Variants in ADGRL3 observed in about 807,000 individuals in gnomAD.
ADGRL3 encodes the protein calcium-independent alpha-latrotoxin receptor 3.
A neutral mutation model predicts 153.5 loss-of-function variants in ADGRL3; 62 were observed. The ratio of observed to expected loss-of-function variants is 0.40; its 90% CI spans 0.33 to 0.50. The LOEUF (loss-of-function observed/expected upper bound fraction) is 0.50, where lower values mean the gene tolerates loss of function less well. ADGRL3 is among the 20% of genes least tolerant of loss of function. The probability of loss-of-function intolerance (pLI) is 0.47; values close to 1 mark genes in which losing one functional copy is unlikely to be tolerated. For missense variants in ADGRL3, 1,641 were observed against 1,859.4 expected, an observed-to-expected ratio of 0.88 and a Z score of 2.16; for synonymous variants, 710 against 672.5, an observed-to-expected ratio of 1.06 and a Z score of -0.86.
chr4:61,886,802 C>T (rs1486257727), intron 9 of ADGRL3, among the ~76,000 whole-genome samples: 1 of 151,726 alleles, frequency 6.6e-6, no homozygotes, highest in African/African-American at 2.4e-5. Flanking sequence ...CCATCATGCC[C>T]GGCTAATTTT....
chr4:61,282,288 A>T (rs2093750470), intron 1 of ADGRL3, among the ~76,000 whole-genome samples: 1 of 152,044 alleles, frequency 6.6e-6, no homozygotes, highest in Non-Finnish European at 1.5e-5. Context: ...GCTAAAGAAG[A>T]TTGAAAAAGG....
chr4:61,529,674 T>G (rs1222134536), intron 4 of ADGRL3, among the ~76,000 whole-genome samples: 2 of 152,156 alleles, frequency 1.3e-5, no homozygotes, highest in East Asian at 3.8e-4. Flanking sequence ...GCTTTTTACT[T>G]CTTTAAGTCT....
intron 9 of ADGRL3, among the ~76,000 whole-genome samples, chr4:61,835,144 A>C (rs193183010): frequency 1.3e-5 from 2 of 152,298 alleles, no homozygotes; most frequent in East Asian, 3.9e-4. Flanking sequence ...AACTCGAAGC[A>C]AAACAGAACA....
intron 6 of ADGRL3, among the ~76,000 whole-genome samples, chr4:61,723,685 C>A (rs2096278529): frequency 6.6e-6 from 1 of 151,924 alleles, no homozygotes; most frequent in Admixed American, 6.6e-5. Context: ...TGACACCTGG[C>A]GTATGTGGTG....
chr4:62,013,705 T>C (rs975905921), intron 21 of ADGRL3, among the ~76,000 whole-genome samples: 1 of 151,726 alleles, frequency 6.6e-6, no homozygotes, highest in Non-Finnish European at 1.5e-5. Context: ...CTGGCCAATG[T>C]GGTGAAACCC....
chr4:61,556,984 A>G (rs2098770235), intron 4 of ADGRL3, among the ~76,000 whole-genome samples: 1 of 152,194 alleles, frequency 6.6e-6, no homozygotes, highest in Non-Finnish European at 1.5e-5. Flanking sequence ...GTCTGGGCCA[A>G]TTAAAGCATG....
At chr4:61,910,344 T>C (rs1413567523) in intron 12 of ADGRL3, among the ~76,000 whole-genome samples, 1 of 151,928 alleles carries the variant, frequency 6.6e-6, no homozygotes, top group Non-Finnish European at 1.5e-5. Context: ...AAAGCTTAAA[T>C]ATATTCCAGC....
At chr4:61,218,476 C>CT (rs968513615) in intron 1 of ADGRL3, among the ~76,000 whole-genome samples, 5 of 151,286 alleles carry the variant, frequency 3.3e-5, no homozygotes, top group Non-Finnish European at 4.4e-5. Context: ...TGCCCAGCTA[C>CT]TTTTTTTTTA....
At chr4:61,654,344 C>T (rs887514215) in intron 5 of ADGRL3, among the ~76,000 whole-genome samples, 8 of 151,682 alleles carry the variant, frequency 5.3e-5, no homozygotes, top group African/African-American at 7.3e-5. Context: ...TTTGGATATG[C>T]GTACAAATAT....
chr4:61,402,474 G>T (rs1328626754), intron 2 of ADGRL3, among the ~76,000 whole-genome samples: 1 of 152,044 alleles, frequency 6.6e-6, no homozygotes, highest in African/African-American at 2.4e-5. Flanking sequence ...TATTCAAGTT[G>T]AGAGCTAGAT....
At chr4:61,538,503 G>A (rs1222620225) in intron 4 of ADGRL3, among the ~76,000 whole-genome samples, 4 of 152,050 alleles carry the variant, frequency 2.6e-5, no homozygotes, top group African/African-American at 7.2e-5. Context: ...GCAATGGTGC[G>A]ATCTCAGCTC....
At chr4:61,397,424 G>A (rs1401549794) in intron 2 of ADGRL3, among the ~76,000 whole-genome samples, 1 of 151,886 alleles carries the variant, frequency 6.6e-6, no homozygotes, top group East Asian at 1.9e-4. Flanking sequence ...GCAAGTGTGG[G>A]GATGTGGGGT....
chr4:61,888,918 T>G (rs1331830843), intron 9 of ADGRL3, among the ~76,000 whole-genome samples: 1 of 152,232 alleles, frequency 6.6e-6, no homozygotes, highest in African/African-American at 2.4e-5. Flanking sequence ...TATTTCCACT[T>G]TGTCTAATGG....
At chr4:61,948,318 T>C in intron 17 of ADGRL3, 42 bp downstream of exon 17, 1 of 1,476,190 alleles carries the variant, frequency 6.8e-7, no homozygotes, top group East Asian at 2.3e-5. Flanking sequence ...TAGTATATTA[T>C]ATGGTCACTA....
chr4:61,583,743 A>C (rs375994844), intron 4 of ADGRL3: 1 of 518,306 alleles, frequency 1.9e-6, no homozygotes. Flanking sequence ...TCCAGATTTC[A>C]CATCTAAAAC....
chr4:61,404,573 T>G (rs2096969940), intron 2 of ADGRL3, among the ~76,000 whole-genome samples: 1 of 152,188 alleles, frequency 6.6e-6, no homozygotes, highest in African/African-American at 2.4e-5. Flanking sequence ...TACTTATTAT[T>G]GTGGAGGATA....
intron 2 of ADGRL3, among the ~76,000 whole-genome samples, chr4:61,464,211 A>G (rs2097854666): frequency 1.3e-5 from 2 of 152,226 alleles, no homozygotes. Flanking sequence ...TTATCCTCAT[A>G]TAATTCCCTA....
At chr4:61,546,050 A>G (rs1227586493) in intron 4 of ADGRL3, among the ~76,000 whole-genome samples, 1 of 152,170 alleles carries the variant, frequency 6.6e-6, no homozygotes, top group Admixed American at 6.5e-5. Context: ...AGCCCTGGTT[A>G]TCTCTTGCCT....
chr4:61,313,145 A>G (rs914016891), intron 1 of ADGRL3, among the ~76,000 whole-genome samples: 3 of 152,190 alleles, frequency 2.0e-5, no homozygotes, highest in African/African-American at 4.8e-5. Context: ...GAAAAACCCC[A>G]GTCTGATTCC....
Sources: allele counts gnomAD v4.1 joint callset (sites outside exome capture counted in the v4.1 genomes callset), GRCh38; gene constraint gnomAD v4.1.1; transcripts MANE v1.5; gene names NCBI Gene and HGNC (gene_info 2026-07-23, HGNC 2026-07-21).